Variants in RILPL1 observed in about 807,000 individuals in gnomAD.
The protein encoded by RILPL1 is Rab interacting lysosomal protein like 1, also known as RILP-like protein 1.
A neutral mutation model predicts 50.3 loss-of-function variants in RILPL1; 33 were observed. That is an observed-to-expected ratio of 0.66 (90% confidence interval 0.50 to 0.88). The LOEUF (loss-of-function observed/expected upper bound fraction) is 0.88, where lower values mean the gene tolerates loss of function less well. RILPL1 is among the 40% of genes least tolerant of loss of function. The pLI is 0.00. For missense variants in RILPL1, 418 were observed against 542.5 expected (o/e 0.77, Z 2.28); for synonymous variants, 205 against 228.6 (o/e 0.90, Z 0.93).
At chr12:123,505,383 G>A (rs1445178991) in intron 2 of RILPL1, among the ~76,000 whole-genome samples, 1 of 152,136 alleles carries the variant, frequency 6.6e-6, no homozygotes, top group East Asian at 1.9e-4. Context: ...AAGTGCAGTA[G>A]CATGATCACA....
chr12:123,529,262 A>G lies in RILPL1; in HGVS notation c.309+3912T>C, dbSNP rs187956327. On this transcript the variant is annotated intron_variant, in intron 1 of 6. Coordinates refer to ENST00000376874, the MANE Select transcript of RILPL1 (RefSeq NM_178314.5). ...CTAGTCAGTCTCTTTCATGTCTCCC[A>G]GTTTTATTTTCTTTATGGCACTTAT... Among the ~76,000 whole-genome samples the G allele has an allele frequency of 4.3e-4, 66 of 151,978 alleles. 1 individual carries two copies. Among genetic ancestry groups the G allele is most frequent in the African/African-American group, 1.5e-3 (62 of 41,442 alleles).
At chr12:123,516,560 CCT>C (rs1007914558) in intron 2 of RILPL1, among the ~76,000 whole-genome samples, 1 of 152,220 alleles carries the variant, frequency 6.6e-6, no homozygotes, top group African/African-American at 2.4e-5. Flanking sequence ...CGTGGGAATC[CCT>C]GTCTCAGATT....
At chr12:123,482,679 T>G (rs955478569) in intron 6 of RILPL1, among the ~76,000 whole-genome samples, 1 of 150,938 alleles carries the variant, frequency 6.6e-6, no homozygotes, top group African/African-American at 2.4e-5. Context: ...AGTGCAGTGG[T>G]ACAATCTTGG....
intron 4 of RILPL1, among the ~76,000 whole-genome samples, chr12:123,488,049 C>T (rs1882455737): frequency 6.6e-6 from 1 of 152,082 alleles, no homozygotes; most frequent in Non-Finnish European, 1.5e-5. Flanking sequence ...ACCAATGTCC[C>T]GTGACCAACC....
At chr12:123,477,746 C>T (rs1400671852) in intron 6 of RILPL1, among the ~76,000 whole-genome samples, 1 of 152,112 alleles carries the variant, frequency 6.6e-6, no homozygotes, top group South Asian at 2.1e-4. Flanking sequence ...ACACAGTTAG[C>T]TTTCCAGGGG....
At chr12:123,484,387 G>A (rs553062009) in intron 5 of RILPL1, 115 bp from the exon 6 acceptor site, 17 of 742,188 alleles carry the variant, frequency 2.3e-5, no homozygotes, top group Non-Finnish European at 3.1e-5. Context: ...TAGGGGACCC[G>A]CATCTGTATT....
At chr12:123,508,342 T>A (rs1883884728) in intron 2 of RILPL1, among the ~76,000 whole-genome samples, 1 of 152,042 alleles carries the variant, frequency 6.6e-6, no homozygotes, top group South Asian at 2.1e-4. Context: ...TGCAGTGAGC[T>A]ATGATTGTGC....
intron 2 of RILPL1, among the ~76,000 whole-genome samples, chr12:123,516,235 T>TTG (rs1884687682): frequency 6.6e-6 from 1 of 152,158 alleles, no homozygotes; most frequent in South Asian, 2.1e-4. Flanking sequence ...TCTCATGAAG[T>TTG]TGGTCTCGGA....
chr12:123,532,716 G>GGGGGGGGGA (rs1232279863), intron 1 of RILPL1, among the ~76,000 whole-genome samples: 1 of 112,542 alleles, frequency 8.9e-6, no homozygotes, highest in African/African-American at 3.1e-5. Flanking sequence ...GGGGGGGGGG[G>GGGGGGGGGA]ATGAAGAAAG....
intron 1 of RILPL1, among the ~76,000 whole-genome samples, chr12:123,524,206 C>T (rs1885169600): frequency 6.6e-6 from 1 of 152,162 alleles, no homozygotes. Context: ...CAAAGGCTCA[C>T]GAAGTGAATG....
intron 1 of RILPL1, among the ~76,000 whole-genome samples, chr12:123,530,993 G>C (rs1311737463): frequency 7.7e-6 from 1 of 129,896 alleles, no homozygotes; most frequent in Non-Finnish European, 1.7e-5. Flanking sequence ...GAGAGACAAG[G>C]AAGAAGGGGT....
At chr12:123,495,839 C>G (rs1029443177) in intron 4 of RILPL1, among the ~76,000 whole-genome samples, 1 of 151,578 alleles carries the variant, frequency 6.6e-6, no homozygotes, top group Non-Finnish European at 1.5e-5. Flanking sequence ...CACCACCATG[C>G]CTGGCTAATT....
In RILPL1 at chr12:123,484,111, G is replaced by A. The variant is rs1593538845; in HGVS notation, c.1067+69C>T. 14 of 1,002,590 alleles carry A rather than the reference G, an allele frequency of 1.4e-5. No individual in the cohort carries two copies. The East Asian group carries it at 3.3e-4, about 24-fold the overall frequency. 62.1% of individuals were successfully genotyped at this position (1,002,590 alleles called of 1,614,324 possible). A position where few individuals can be genotyped will look rare whatever the true frequency, so the allele number is the denominator to read the frequency against. ...CCTGGCCCTGGGAGCAGGTGCCAAG[G>A]AGGAAAAGTCAAAGGACACGTGAAC... On this transcript the variant is annotated intron_variant, in intron 6 of 6. Coordinates refer to ENST00000376874, the MANE Select transcript of RILPL1 (RefSeq NM_178314.5).
Position 123,533,383 on chromosome 12 carries a change from C to G in RILPL1, c.100G>C (p.Val34Leu). ...VMDVYDIASL[V>L]GHEFERVIDQ... ...ATGACCCGCTCGAACTCGTGGCCCA[C>G]AAGCGACGCGATGTCGTACACGTCC... The change falls in exon 1 of 7, where the codon GTG (valine) becomes CTG (leucine). Residue 34 changes from valine to leucine, a missense_variant. By Grantham distance (32) the Val-to-Leu change is conservative (BLOSUM62 1). Transcript: ENST00000376874. This position sits in a 1 kb window ranked among gnomAD's most constrained non-coding sequence, Gnocchi z 6.2. The G allele has an allele frequency of 6.4e-7, 1 of 1,563,546 alleles. No individual in the cohort carries two copies. Among genetic ancestry groups the G allele is most frequent in the Admixed American group, 1.9e-5 (1 of 53,182 alleles).
chr12:123,500,627 A>T (rs1265140004), intron 2 of RILPL1, among the ~76,000 whole-genome samples: 1 of 152,082 alleles, frequency 6.6e-6, no homozygotes, highest in Non-Finnish European at 1.5e-5. Context: ...CTGCACAGTG[A>T]TTCAGGCTGG....
rs373929249 is a variant in RILPL1 at position 123,478,738 on chromosome 12, T to C, written c.1067+5442A>G. On this transcript the variant is annotated intron_variant, in intron 6 of 6. Transcript: ENST00000376874. ...CCCTCTATACCCACCTGTCTTCTTA[T>C]CTCCTGATCAGCCCCTAGCCCCCGC... 1.3e-3 allele frequency among the ~76,000 whole-genome samples: 200 copies of C among 152,148 alleles called. 1 individual carries two copies. Among genetic ancestry groups the C allele is most frequent in the Middle Eastern group, 6.8e-3 (2 of 294 alleles).
intron 6 of RILPL1, chr12:123,475,506 G>C: frequency 1.6e-6 from 1 of 635,518 alleles, no homozygotes; most frequent in East Asian, 2.8e-5. Context: ...CAGTGGCACA[G>C]CTGAAATCAC....
At position 123,491,170 on chromosome 12, in the gene RILPL1, A is replaced by T. The variant is rs1270816880; in HGVS notation, c.802-5365T>A. Among the ~76,000 whole-genome samples, 2 of 152,164 alleles carry T rather than the reference A, an allele frequency of 1.3e-5. No homozygotes were observed. Among genetic ancestry groups the T allele is most frequent in the East Asian group, 3.9e-4 (2 of 5,192 alleles). ...GGCAGCCCAGGACTATCCGGTTCAG[A>T]CTGGGAGGGACCAAGGAGGCTCTTT... On this transcript the variant is annotated intron_variant, in intron 4 of 6. Coordinates refer to ENST00000376874, the MANE Select transcript of RILPL1 (RefSeq NM_178314.5). The surrounding 1 kb of genome is among the most constrained non-coding windows in gnomAD (Gnocchi z 4.0).
intron 4 of RILPL1, among the ~76,000 whole-genome samples, chr12:123,486,831 C>G (rs1044945282): frequency 6.6e-6 from 1 of 151,660 alleles, no homozygotes; most frequent in East Asian, 1.9e-4. Flanking sequence ...GACGGAATCT[C>G]TCTGTCACCC....
Sources: allele counts gnomAD v4.1 joint callset (sites outside exome capture counted in the v4.1 genomes callset), GRCh38; gene constraint gnomAD v4.1.1; non-coding constraint Gnocchi (gnomAD v3.1); transcripts MANE v1.5; gene names NCBI Gene and HGNC (gene_info 2026-07-23, HGNC 2026-07-21).